IFNGR2: variants seen among roughly 807,000 people sequenced by gnomAD.
IFNGR2 encodes interferon gamma receptor 2.
A neutral mutation model predicts 41.1 loss-of-function variants in IFNGR2; 15 were observed. The observed-to-expected ratio is 0.37, with a 90% confidence interval of 0.24 to 0.56. The LOEUF (loss-of-function observed/expected upper bound fraction) is 0.56, where lower values mean the gene tolerates loss of function less well. Ranked by LOEUF, IFNGR2 falls within the 20% of genes least tolerant of loss-of-function variation. The pLI is 0.81. For missense variants in IFNGR2, 362 were observed against 415.7 expected (o/e 0.87, Z 1.12); for synonymous variants, 161 against 171.6 (o/e 0.94, Z 0.48).
In IFNGR2 at chr21:33,436,993, C is replaced by G; in HGVS notation, c.*31C>G. 6.2e-7 allele frequency: 1 copy of G among 1,612,604 alleles called. No individual in the cohort carries two copies. Among genetic ancestry groups the G allele is most frequent in the South Asian group, 1.1e-5 (1 of 91,024 alleles). On this transcript the variant is annotated 3_prime_UTR_variant, in exon 7 of 7. Transcript: ENST00000290219. ...AGCATGGGCCTAGCCCACTGGCTCC[C>G]TGGAAGAGATCAAGCCATCGGAGCT...
chr21:33,404,715 C>T (rs1043015643), intron 1 of IFNGR2, among the ~76,000 whole-genome samples: 1 of 152,126 alleles, frequency 6.6e-6, no homozygotes, highest in East Asian at 1.9e-4. Flanking sequence ...AGGCTTGAGG[C>T]ACCGTGCCCA....
At chr21:33,416,907 G>GTTTTTC (rs1306728148) in intron 2 of IFNGR2, among the ~76,000 whole-genome samples, 39 of 146,322 alleles carry the variant, frequency 2.7e-4, no homozygotes, top group Non-Finnish European at 3.2e-4. Flanking sequence ...CAGGTAACTT[G>GTTTTTC]TTTTTCTTTT....
rs1189633517 is a variant in IFNGR2, at chr21:33,437,093, A to T, written c.*131A>T. 3.6e-6 allele frequency: 3 copies of T among 835,436 alleles called. No individual in the cohort carries two copies. In the Admixed American group the frequency reaches 6.4e-5, roughly 18 times the overall value. 51.8% of individuals were successfully genotyped at this position (835,436 alleles called of 1,614,324 possible). A position where few individuals can be genotyped will look rare whatever the true frequency, so the allele number is the denominator to read the frequency against. ...CTCTAAAAGGCCTGTCCCTGCAGACATGAGAGACAGCAGGTCTCATGGGGG... is the reference window on the plus strand; with the variant it reads ...CTCTAAAAGGCCTGTCCCTGCAGACTTGAGAGACAGCAGGTCTCATGGGGG... On this transcript the variant is annotated 3_prime_UTR_variant, in exon 7 of 7. Coordinates refer to ENST00000290219, the MANE Select transcript of IFNGR2 (RefSeq NM_005534.4).
intron 1 of IFNGR2, 60 bp from the exon 2 acceptor site, chr21:33,414,828 G>A (rs1015657542): frequency 6.6e-7 from 1 of 1,524,192 alleles, no homozygotes; most frequent in Non-Finnish European, 8.9e-7. Flanking sequence ...AAACATTTTT[G>A]TAATTATTTC....
intron 2 of IFNGR2, among the ~76,000 whole-genome samples, chr21:33,417,298 C>A (rs1469906320): frequency 6.6e-6 from 1 of 152,100 alleles, no homozygotes; most frequent in Non-Finnish European, 1.5e-5. Context: ...CCATGTTGCC[C>A]AGGCTGGCCT....
At chr21:33,417,095 C>CTT (rs1225477655) in intron 2 of IFNGR2, among the ~76,000 whole-genome samples, 1 of 143,136 alleles carries the variant, frequency 7.0e-6, no homozygotes, top group South Asian at 2.2e-4. Flanking sequence ...CAGATAACTT[C>CTT]TTTTTTTTTT....
chr21:33,420,439 G>A (rs1003790473), intron 2 of IFNGR2, among the ~76,000 whole-genome samples: 55 of 152,158 alleles, frequency 3.6e-4, no homozygotes, highest in Non-Finnish European at 2.6e-4. Flanking sequence ...TGGGACTCTG[G>A]GAAAGGCACT....
intron 6 of IFNGR2, among the ~76,000 whole-genome samples, chr21:33,435,802 G>A (rs923852714): frequency 1.5e-5 from 2 of 136,462 alleles, no homozygotes; most frequent in African/African-American, 2.8e-5. Context: ...AGAATCACTT[G>A]AACCCAGGAG....
Position 33,432,292 on chromosome 21 carries a change from T to TC in IFNGR2, c.678dup (p.Gly227ArgfsTer18). On this transcript the variant is annotated frameshift_variant, in exon 5 of 7. Transcript: ENST00000290219. LOFTEE classifies it high-confidence loss of function. ...TGGAACAAAAGTAACATCTTTAGAG[T>TC]CGGGCATTTAAGCAACATATCTTGC... 1 of 1,614,086 alleles carries TC rather than the reference T, an allele frequency of 6.2e-7. No individual in the cohort carries two copies. Among genetic ancestry groups the TC allele is most frequent in the Non-Finnish European group, 8.5e-7 (1 of 1,179,942 alleles).
chr21:33,425,200 A>G (rs1264384870), intron 3 of IFNGR2, among the ~76,000 whole-genome samples: 1 of 152,084 alleles, frequency 6.6e-6, no homozygotes, highest in Admixed American at 6.6e-5. Context: ...GATTACAGGT[A>G]TGAGCCACCA....
Position 33,437,461 on chromosome 21 carries a change from T to G in IFNGR2, c.*499T>G, listed in dbSNP as rs1167145292. On this transcript the variant is annotated 3_prime_UTR_variant, in exon 7 of 7. Transcript: ENST00000290219. ...ATCTTGTAAATATACTCCTAGTAAT[T>G]TAAGATTTTGTTTTTAAACTGGAAA... The G allele has an allele frequency of 6.5e-6, 1 of 154,932 alleles. No homozygotes were observed. Among genetic ancestry groups the G allele is most frequent in the Non-Finnish European group, 1.4e-5 (1 of 69,860 alleles). 9.6% of individuals were successfully genotyped at this position (154,932 alleles called of 1,614,324 possible). A position where few individuals can be genotyped will look rare whatever the true frequency, so the allele number is the denominator to read the frequency against.
chr21:33,436,906 G>A lies in IFNGR2; in HGVS notation c.958G>A (p.Val320Met), dbSNP rs186465465. 1 of 1,614,028 alleles carries A rather than the reference G, an allele frequency of 6.2e-7. No individual in the cohort carries two copies. Among genetic ancestry groups the A allele is most frequent in the Middle Eastern group, 1.7e-4 (1 of 6,060 alleles). ...SSPKDDVWDS[V>M]SIISFPEKEQ... is the part of the protein sequence containing the mutation. Reference sequence around the variant, plus strand: ...ACCAAAGGATGACGTCTGGGACTCTGTGTCCATTATCTCGTTTCCGGAAAA... The same window carrying A: ...ACCAAAGGATGACGTCTGGGACTCTATGTCCATTATCTCGTTTCCGGAAAA... Residue 320 changes from valine to methionine, a missense_variant, in exon 7 of 7, where the codon GTG becomes ATG. Val to Met is a conservative substitution (Grantham distance 21). Transcript: ENST00000290219.
intron 2 of IFNGR2, among the ~76,000 whole-genome samples, chr21:33,416,919 CTTTT>C (rs1013014991): frequency 7.0e-6 from 1 of 142,556 alleles, no homozygotes; most frequent in Admixed American, 6.9e-5. Flanking sequence ...TTTTCTTTTT[CTTTT>C]TCTTTTTTTT....
In IFNGR2 at chr21:33,432,842, C is replaced by T; in HGVS notation, c.850C>T (p.Pro284Ser). 6.2e-7 allele frequency: 1 copy of T among 1,613,578 alleles called. No homozygotes were observed. Among genetic ancestry groups the T allele is most frequent in the South Asian group, 1.1e-5 (1 of 91,052 alleles). Residue 284 changes from proline to serine, a missense_variant, in exon 6 of 7, where the codon CCA becomes TCA. By Grantham distance (74) the Pro-to-Ser change is moderately conservative. Transcript: ENST00000290219. ...RGLIKYWFHT[P>S]PSIPLQIEEY... Reference sequence around the variant, plus strand: ...CCTGATTAAATACTGGTTTCACACTCCACCAAGCATCCCATTACAGATAGA... The same window carrying T: ...CCTGATTAAATACTGGTTTCACACTTCACCAAGCATCCCATTACAGATAGA...
chr21:33,432,107 A>T (rs2083893922), intron 4 of IFNGR2, 70 bp from the exon 5 acceptor site: 1 of 1,368,848 alleles, frequency 7.3e-7, no homozygotes, highest in Non-Finnish European at 1.0e-6. Flanking sequence ...AATTTGAGGA[A>T]ACATCAGAAA....
intron 5 of IFNGR2, 53 bp downstream of exon 5, chr21:33,432,389 AATAGTGAAATC>A: frequency 6.5e-7 from 1 of 1,534,230 alleles, no homozygotes. Flanking sequence ...ATACTCCTCC[AATAGTGAAATC>A]GGGGAATGCT....
rs1430461432 is a variant in IFNGR2, at chr21:33,423,177, C to T, written c.412+1492C>T. Among the ~76,000 whole-genome samples the T allele has an allele frequency of 3.3e-5, 5 of 150,516 alleles. No individual in the cohort carries two copies. In the Admixed American group the frequency reaches 3.3e-4, roughly 10 times the overall value. On this transcript the variant is annotated intron_variant, in intron 3 of 6. Transcript: ENST00000290219. ...GCCTCAGCCTCCCGAGTAGCTGGGACTACAGGCGCCCGCCACCACACCCGG... is the reference window on the plus strand; with the variant it reads ...GCCTCAGCCTCCCGAGTAGCTGGGATTACAGGCGCCCGCCACCACACCCGG...
At chr21:33,412,668 G>A (rs1357378720) in intron 1 of IFNGR2, among the ~76,000 whole-genome samples, 1 of 152,102 alleles carries the variant, frequency 6.6e-6, no homozygotes, top group Non-Finnish European at 1.5e-5. Context: ...CGATTCTCCT[G>A]CCTCAGCCTC....
chr21:33,423,849 G>C (rs1384514912), intron 3 of IFNGR2, among the ~76,000 whole-genome samples: 1 of 144,888 alleles, frequency 6.9e-6, no homozygotes, highest in African/African-American at 2.6e-5. Flanking sequence ...TTTTTAATCA[G>C]TGGTTTGTGC....
Sources: allele counts gnomAD v4.1 joint callset (sites outside exome capture counted in the v4.1 genomes callset), GRCh38; gene constraint gnomAD v4.1.1; transcripts MANE v1.5; gene names NCBI Gene and HGNC (gene_info 2026-07-23, HGNC 2026-07-21).